Variants in EMILIN2 observed in about 807,000 individuals in gnomAD.
EMILIN2 encodes elastin microfibril interfacer 2, also known as EMILIN-2.
Under a neutral mutation model 87.1 loss-of-function variants are expected in EMILIN2, and 71 were observed. The observed-to-expected ratio is 0.82, with a 90% CI of 0.67 to 0.99. The LOEUF (loss-of-function observed/expected upper bound fraction) is 0.99, where lower values mean the gene tolerates loss of function less well. Among genes scored for constraint, EMILIN2 ranks in the 50% least tolerant of loss-of-function variants. The pLI, the probability that EMILIN2 is intolerant of heterozygous loss-of-function variation, is 0.00. For synonymous variants in EMILIN2, 581 were observed against 563.4 expected, an observed-to-expected ratio of 1.03 and a Z score of -0.44; for missense variants, 1,407 against 1,371.8, an observed-to-expected ratio of 1.03 and a Z score of -0.40.
At chr18:2,895,412 T>G (rs1240761164) in intron 4 of EMILIN2, among the ~76,000 whole-genome samples, 2 of 152,198 alleles carry the variant, frequency 1.3e-5, no homozygotes, top group Non-Finnish European at 2.9e-5. Context: ...GGATTAGCTA[T>G]TTATTGCTTT....
chr18:2,885,255 CAT>C (rs2076797995), intron 3 of EMILIN2, 116 bp downstream of exon 3: 2 of 1,123,508 alleles, frequency 1.8e-6, no homozygotes, highest in Non-Finnish European at 2.4e-6. Context: ...GAATAACACA[CAT>C]AGATACCTGC....
At chr18:2,865,386 G>C (rs1366764920) in intron 2 of EMILIN2, among the ~76,000 whole-genome samples, 3 of 152,148 alleles carry the variant, frequency 2.0e-5, no homozygotes, top group Non-Finnish European at 2.9e-5. Context: ...GTACAGTTGG[G>C]GTTTTGGTGT....
In EMILIN2 at chr18:2,847,320, CAAGT is replaced by C; in HGVS notation, c.134+3_134+6del. ...ATCCCGCGCGGCCCAGCGCCAGGAA[CAAGT>C]AAGTGCGCGCCCCTTGGCTGGCCCC... On this transcript the variant is annotated splice_donor_variant and coding_sequence_variant, in exon 1 of 8. Coordinates refer to ENST00000254528, the MANE Select transcript of EMILIN2 (RefSeq NM_032048.3). LOFTEE classifies it high-confidence loss of function. The surrounding 1 kb of genome is among the most constrained non-coding windows in gnomAD (Gnocchi z 4.5). 5 of 1,317,882 alleles carry C rather than the reference CAAGT, an allele frequency of 3.8e-6. No homozygotes were observed. The highest frequency in any genetic ancestry group is 4.8e-6 in the Non-Finnish European group (5 of 1,036,852). 81.6% of individuals were successfully genotyped at this position (1,317,882 alleles called of 1,614,324 possible).
intron 4 of EMILIN2, among the ~76,000 whole-genome samples, chr18:2,897,080 T>C (rs1196118484): frequency 6.6e-6 from 1 of 152,204 alleles, no homozygotes; most frequent in Non-Finnish European, 1.5e-5. Context: ...AATAGTGGTA[T>C]GGCCAAGCGT....
intron 2 of EMILIN2, among the ~76,000 whole-genome samples, chr18:2,857,837 C>A (rs1598485330): frequency 6.6e-6 from 1 of 152,244 alleles, no homozygotes; most frequent in South Asian, 2.1e-4. Context: ...GCAGGAGCAG[C>A]AGCCTGCTGG....
chr18:2,888,565 A>G (rs1218652359), intron 3 of EMILIN2, among the ~76,000 whole-genome samples: 1 of 152,022 alleles, frequency 6.6e-6, no homozygotes, highest in Non-Finnish European at 1.5e-5. Context: ...AATACAAAAA[A>G]TTAGCCGGGC....
At chr18:2,875,617 G>A (rs984039777) in intron 2 of EMILIN2, among the ~76,000 whole-genome samples, 1 of 152,178 alleles carries the variant, frequency 6.6e-6, no homozygotes, top group African/African-American at 2.4e-5. Flanking sequence ...CCCACGCTTA[G>A]GGCAGTGCCT....
chr18:2,892,979 G>A (rs893356050), intron 4 of EMILIN2, among the ~76,000 whole-genome samples: 1 of 151,938 alleles, frequency 6.6e-6, no homozygotes, highest in Non-Finnish European at 1.5e-5. Context: ...TTGAACCTGG[G>A]AGGCAGAGGT....
intron 3 of EMILIN2, among the ~76,000 whole-genome samples, chr18:2,887,348 T>G (rs1333060914): frequency 6.6e-6 from 1 of 152,210 alleles, no homozygotes; most frequent in African/African-American, 2.4e-5. Flanking sequence ...TGATATAGTT[T>G]GAATGTTTGT....
chr18:2,876,760 T>C (rs60639352), intron 2 of EMILIN2, among the ~76,000 whole-genome samples: 91,215 of 151,800 alleles, frequency 0.6, 27,868 homozygotes, highest in East Asian at 0.92. Flanking sequence ...AGTGAGACTC[T>C]GTCTCAAAAA....
intron 2 of EMILIN2, among the ~76,000 whole-genome samples, chr18:2,855,606 C>T (rs1204995347): frequency 6.6e-6 from 1 of 152,150 alleles, no homozygotes; most frequent in East Asian, 1.9e-4. Context: ...CAGGTGGGGC[C>T]AGGCTGCAGA....
chr18:2,892,413 C>A lies in EMILIN2; in HGVS notation c.2286C>A (p.Val762=). 3 of 1,613,860 alleles carry A rather than the reference C, an allele frequency of 1.9e-6. No individual in the cohort carries two copies. Among genetic ancestry groups the A allele is most frequent in the South Asian group, 1.1e-5 (1 of 91,076 alleles). ...SRDISGLKNS[V]QQFYSHVFQI... ...ACATTTCTGGCCTGAAGAATTCAGT[C>A]CAGCAGTTCTACAGCCACGTCTTCC... The change falls in exon 4 of 8, where the codon GTC becomes GTA. Residue 762 remains valine, a synonymous_variant. Coordinates refer to ENST00000254528, the MANE Select transcript of EMILIN2 (RefSeq NM_032048.3).
chr18:2,871,743 C>A (rs1174076159), intron 2 of EMILIN2, among the ~76,000 whole-genome samples: 2 of 152,176 alleles, frequency 1.3e-5, no homozygotes, highest in Non-Finnish European at 2.9e-5. Context: ...ACATTCAGGA[C>A]CTCATTATTC....
In EMILIN2 at chr18:2,885,045, T is replaced by C; in HGVS notation, c.339T>C (p.Phe113=). ...TQLEWRCCPG[F]RGGDCQEGPK... ...TGGAATGGAGGTGCTGTCCTGGCTT[T>C]AGAGGGGGAGATTGCCAAGAAGGTC... The change falls in exon 3 of 8, where the codon TTT becomes TTC. Residue 113 remains phenylalanine, a synonymous_variant. Coordinates refer to ENST00000254528, the MANE Select transcript of EMILIN2 (RefSeq NM_032048.3). 1.9e-6 allele frequency: 3 copies of C among 1,613,882 alleles called. No homozygotes were observed. Among genetic ancestry groups the C allele is most frequent in the Non-Finnish European group, 2.5e-6 (3 of 1,179,908 alleles).
chr18:2,858,601 A>G (rs199585937), intron 2 of EMILIN2, among the ~76,000 whole-genome samples: 6,580 of 103,506 alleles, frequency 0.064, 1,169 homozygotes, highest in East Asian at 0.52. Flanking sequence ...ATATATATAT[A>G]TGTGTATATA....
rs1321949084 is a variant in EMILIN2, at chr18:2,891,255, G to C, written c.1128G>C (p.Leu376=). 2 of 1,614,198 alleles carry C rather than the reference G, an allele frequency of 1.2e-6. No individual in the cohort carries two copies. Among genetic ancestry groups the C allele is most frequent in the Non-Finnish European group, 1.7e-6 (2 of 1,180,034 alleles). Residue 376 remains leucine (L), a synonymous_variant, in exon 4 of 8, where the codon CTG becomes CTC. Coordinates refer to ENST00000254528, the MANE Select transcript of EMILIN2 (RefSeq NM_032048.3). This position sits in a 1 kb window ranked among gnomAD's most constrained non-coding sequence, Gnocchi z 4.6. ...IELIGEKETS[L]RKEINNLRAR... ...TCATAGGGGAGAAGGAAACAAGCCT[G>C]AGAAAAGAAATAAATAACCTCCGAG...
Position 2,906,793 on chromosome 18 carries a change from G to GC in EMILIN2, c.2375dup (p.Pro793AlafsTer128). The GC allele has an allele frequency of 1.6e-6, 2 of 1,263,510 alleles. No homozygotes were observed. Among genetic ancestry groups the GC allele is most frequent in the South Asian group, 2.9e-5 (1 of 34,958 alleles). 78.3% of individuals were successfully genotyped at this position (1,263,510 alleles called of 1,614,324 possible). ...CCCGACGCCCGGCAGAGGCGCCCTC[G>GC]CCCCCGCCGCCCGCAGAGGCCCCGA... On this transcript the variant is annotated frameshift_variant, in exon 5 of 8. Transcript: ENST00000254528. LOFTEE classifies it high-confidence loss of function.
rs911391091 is a variant in EMILIN2, at chr18:2,847,476, C to G, written c.134+154C>G. On this transcript the variant is annotated intron_variant, in intron 1 of 7. Transcript: ENST00000254528. The surrounding 1 kb of genome is among the most constrained non-coding windows in gnomAD (Gnocchi z 4.5). The stretch of plus-strand genomic sequence containing the variant: ...TCCCTCTGCGGGGGACCGCGCGCTC[C>G]GCAGCCGGCGCCTCAGGCAGAGCTG... Among the ~76,000 whole-genome samples the G allele has an allele frequency of 6.6e-6, 1 of 152,178 alleles. No individual in the cohort carries two copies. The highest frequency in any genetic ancestry group is 1.5e-5 in the Non-Finnish European group (1 of 68,010).
In EMILIN2 at chr18:2,891,216, G is replaced by A. The variant is rs1568475171; in HGVS notation, c.1089G>A (p.Leu363=). Reference sequence around the variant, plus strand: ...GTGATGACTATGGGAGCAGCTACCTGGGAGTGATAGAGCTCATAGGGGAGA... The same window carrying A: ...GTGATGACTATGGGAGCAGCTACCTAGGAGTGATAGAGCTCATAGGGGAGA... The part of the protein sequence containing the change: ...QQCDDYGSSY[L]GVIELIGEKE... Residue 363 remains leucine (L), a synonymous_variant, in exon 4 of 8, where the codon CTG becomes CTA. Transcript: ENST00000254528. This position sits in a 1 kb window ranked among gnomAD's most constrained non-coding sequence, Gnocchi z 4.6. 2 of 1,614,220 alleles carry A rather than the reference G, an allele frequency of 1.2e-6. No individual in the cohort carries two copies. Among genetic ancestry groups the A allele is most frequent in the Non-Finnish European group, 1.7e-6 (2 of 1,180,040 alleles).
Sources: allele counts gnomAD v4.1 joint callset (sites outside exome capture counted in the v4.1 genomes callset), GRCh38; gene constraint gnomAD v4.1.1; non-coding constraint Gnocchi (gnomAD v3.1); transcripts MANE v1.5; gene names NCBI Gene and HGNC (gene_info 2026-07-23, HGNC 2026-07-21).